The following NKD2 variants were observed in gnomAD, a reference collection of about 807,000 sequenced individuals.
NKD2 encodes protein naked cuticle homolog 2.
In NKD2, 43 loss-of-function variants were observed where a neutral mutation model predicts 34.8. That is an observed-to-expected ratio of 1.24 (90% CI 0.97 to 1.60). The LOEUF (loss-of-function observed/expected upper bound fraction) is 1.60. Ranked by LOEUF, NKD2 falls within the 40% of genes most tolerant of loss-of-function variation. The probability of loss-of-function intolerance (pLI) is 0.00; values close to 1 mark genes in which losing one functional copy is unlikely to be tolerated. For synonymous variants in NKD2, 278 were observed against 265.1 expected (o/e 1.05, Z -0.47); for missense variants, 675 against 627.1 (o/e 1.08, Z -0.82).
rs1400083300 is a variant in NKD2 at position 1,008,858 on chromosome 5, G to T, written c.-200G>T. The T allele has an allele frequency of 5.8e-6, 2 of 344,396 alleles. No individual in the cohort carries two copies. Among genetic ancestry groups the T allele is most frequent in the Non-Finnish European group, 1.0e-5 (2 of 192,102 alleles). 21.3% of individuals were successfully genotyped at this position (344,396 alleles called of 1,614,324 possible). On this transcript the variant is annotated 5_prime_UTR_variant, in exon 1 of 10. Coordinates refer to ENST00000296849, the MANE Select transcript of NKD2 (RefSeq NM_033120.4). ...CTGTCCCCGCGCCCTGCGCCCGGTG[G>T]CCCCCCACCTCCGCCCCGCGGCCGT...
rs987726803 is a variant in NKD2, at chr5:1,012,305, G to A, written c.141+2745G>A. Among the ~76,000 whole-genome samples the A allele has an allele frequency of 3.3e-5, 5 of 152,218 alleles. No individual in the cohort carries two copies. In the South Asian group the frequency reaches 6.2e-4, roughly 19 times the overall value. On this transcript the variant is annotated intron_variant, in intron 3 of 9. Transcript: ENST00000296849. Reference sequence around the variant, plus strand: ...CTAACTCCAGAGGCAGCATTGTAGCGAACACTCGTGACAGACCAGCCAGTG... The same window carrying A: ...CTAACTCCAGAGGCAGCATTGTAGCAAACACTCGTGACAGACCAGCCAGTG...
In NKD2 at chr5:1,008,815, C is replaced by T. The variant is rs1183555889; in HGVS notation, c.-243C>T. ...GCGCACGCGCTCAGAGGGAGCCGGG[C>T]CGCCGTCGCTGCCGCCGCTGTCCCC... On this transcript the variant is annotated 5_prime_UTR_variant, in exon 1 of 10. Transcript: ENST00000296849. 1.7e-5 allele frequency: 4 copies of T among 229,676 alleles called. No homozygotes were observed. The allele number at this position is 229,676 out of a possible 1,614,324, so 14.2% of individuals were successfully genotyped here. A position where few individuals can be genotyped will look rare whatever the true frequency, so the allele number is the denominator to read the frequency against.
chr5:1,033,941 C>A lies in NKD2; in HGVS notation c.331-294C>A, dbSNP rs185292151. 2.3e-3 allele frequency among the ~76,000 whole-genome samples: 344 copies of A among 152,350 alleles called. 1 individual carries two copies. The highest frequency in any genetic ancestry group is 7.0e-3 in the African/African-American group (292 of 41,582). ...TGACAACACTTGACGGCCAGTGTGTCCTCTTCTCCTTCTGGGTGACGTGGA... is the reference window on the plus strand; with the variant it reads ...TGACAACACTTGACGGCCAGTGTGTACTCTTCTCCTTCTGGGTGACGTGGA... On this transcript the variant is annotated intron_variant, in intron 5 of 9. Coordinates refer to ENST00000296849, the MANE Select transcript of NKD2 (RefSeq NM_033120.4).
intron 3 of NKD2, among the ~76,000 whole-genome samples, chr5:1,016,579 G>A (rs951534405): frequency 2.6e-5 from 4 of 152,232 alleles, no homozygotes; most frequent in Admixed American, 6.5e-5. Flanking sequence ...GTGTCTTGGC[G>A]GATTTAGACT....
At chr5:1,033,031 C>CGCGT (rs56413108) in intron 4 of NKD2, among the ~76,000 whole-genome samples, 1 of 151,710 alleles carries the variant, frequency 6.6e-6, no homozygotes, top group Non-Finnish European at 1.5e-5. Flanking sequence ...GGGACTGTGT[C>CGCGT]TATGGGGAGG....
At chr5:1,022,494 A>C (rs1317403057) in intron 3 of NKD2, among the ~76,000 whole-genome samples, 3 of 8,614 alleles carry the variant, frequency 3.5e-4, no homozygotes, top group African/African-American at 5.5e-4. Context: ...TGCTCTTCCC[A>C]CCCGCTAGTG....
chr5:1,035,238 A>G (rs889564150), intron 7 of NKD2, 151 bp from the exon 8 acceptor site: 2 of 689,186 alleles, frequency 2.9e-6, no homozygotes, highest in Admixed American at 4.9e-5. Flanking sequence ...GAGTTAATGA[A>G]TGAGTGAACA....
intron 9 of NKD2, chr5:1,037,498 T>G (rs1734044749): frequency 6.5e-7 from 1 of 1,532,692 alleles, no homozygotes; most frequent in African/African-American, 1.4e-5. Flanking sequence ...AACCTGGCTT[T>G]CTGCCACGGC....
At chr5:1,021,043 G>A (rs938536646) in intron 3 of NKD2, among the ~76,000 whole-genome samples, 1 of 150,876 alleles carries the variant, frequency 6.6e-6, no homozygotes. Context: ...GATGAAGAGG[G>A]AGACAGAAAC....
At chr5:1,014,910 A>G (rs1364006678) in intron 3 of NKD2, among the ~76,000 whole-genome samples, 1 of 152,222 alleles carries the variant, frequency 6.6e-6, no homozygotes, top group African/African-American at 2.4e-5. Context: ...CATCGTTAGC[A>G]GAGGCGGCTT....
chr5:1,032,249 C>CA, intron 4 of NKD2, 37 bp downstream of exon 4: 1 of 1,534,918 alleles, frequency 6.5e-7, no homozygotes, highest in Non-Finnish European at 9.0e-7. Context: ...TCCCCAAACT[C>CA]ACAGACTTCA....
chr5:1,037,854 C>A lies in NKD2; in HGVS notation c.837C>A (p.His279Gln), dbSNP rs374478838. ...AGGAGCCCCAGGGCAGGGCCTCGCACCTCCAGGCCCGGTCCCGCTCCCAGG... is the reference window on the plus strand; with the variant it reads ...AGGAGCCCCAGGGCAGGGCCTCGCAACTCCAGGCCCGGTCCCGCTCCCAGG... ...AKQEPQGRAS[H>Q]LQARSRSQEP... The change falls in exon 10 of 10, where the codon CAC becomes CAA. Residue 279 changes from histidine (H) to glutamine (Q), a missense_variant. His to Gln is a conservative substitution (Grantham distance 24). Coordinates refer to ENST00000296849, the MANE Select transcript of NKD2 (RefSeq NM_033120.4). 6.3e-7 allele frequency: 1 copy of A among 1,597,656 alleles called. No homozygotes were observed. The highest frequency in any genetic ancestry group is 8.5e-7 in the Non-Finnish European group (1 of 1,175,814).
In NKD2 at chr5:1,009,256, C is replaced by G; in HGVS notation, c.61+42C>G. On this transcript the variant is annotated intron_variant, in intron 2 of 9. Coordinates refer to ENST00000296849, the MANE Select transcript of NKD2 (RefSeq NM_033120.4). This position sits in a 1 kb window ranked among gnomAD's most constrained non-coding sequence, Gnocchi z 6.9. ...ACGGGCGGGGCGGGGGGCGGCGACC[C>G]GGCCCGGGACCCTCAGAGCTAGGAG... is the stretch of plus-strand genomic sequence containing the variant. 2 of 481,840 alleles carry G rather than the reference C, an allele frequency of 4.2e-6. No individual in the cohort carries two copies. Among genetic ancestry groups the G allele is most frequent in the East Asian group, 3.6e-5 (1 of 27,786 alleles). The allele number at this position is 481,840 out of a possible 1,614,324, so 29.8% of individuals were successfully genotyped here. A position where few individuals can be genotyped will look rare whatever the true frequency, so the allele number is the denominator to read the frequency against.
At chr5:1,017,651 C>T (rs1023255881) in intron 3 of NKD2, among the ~76,000 whole-genome samples, 1 of 145,928 alleles carries the variant, frequency 6.9e-6, no homozygotes, top group South Asian at 2.1e-4. Context: ...CCAGAAGTCC[C>T]TCCCAGAGCC....
chr5:1,028,517 G>C (rs1756514937), intron 3 of NKD2, among the ~76,000 whole-genome samples: 3 of 152,138 alleles, frequency 2.0e-5, no homozygotes, highest in Admixed American at 2.0e-4. Context: ...CCACGGTCGG[G>C]TTCCTGTCCT....
chr5:1,032,235 T>G (rs1756673741), intron 4 of NKD2, 23 bp downstream of exon 4: 3 of 1,587,820 alleles, frequency 1.9e-6, no homozygotes, highest in African/African-American at 1.3e-5. Flanking sequence ...CCCGCAGCCC[T>G]CCCTCCCCAA....
Position 1,037,868 on chromosome 5 carries a change from C to A in NKD2, c.851C>A (p.Ser284Tyr). The A allele has an allele frequency of 6.2e-7, 1 of 1,602,784 alleles. No individual in the cohort carries two copies. The highest frequency in any genetic ancestry group is 8.5e-7 in the Non-Finnish European group (1 of 1,178,256). Residue 284 changes from serine (S) to tyrosine (Y), a missense_variant, in exon 10 of 10, where the codon TCC (serine) becomes TAC (tyrosine). Ser to Tyr is a moderately radical substitution (Grantham distance 144, BLOSUM62 -2). Coordinates refer to ENST00000296849, the MANE Select transcript of NKD2 (RefSeq NM_033120.4). ...QGRASHLQAR[S>Y]RSQEPDTHAV... is the part of the protein sequence containing the mutation. ...AGGGCCTCGCACCTCCAGGCCCGGT[C>A]CCGCTCCCAGGAGCCAGATACACAT...
rs1275714250 is a variant in NKD2 at position 1,009,248 on chromosome 5, C to T, written c.61+34C>T. 13 of 486,294 alleles carry T rather than the reference C, an allele frequency of 2.7e-5. No homozygotes were observed. Among genetic ancestry groups the T allele is most frequent in the Non-Finnish European group, 4.3e-5 (12 of 279,782 alleles). 30.1% of individuals were successfully genotyped at this position (486,294 alleles called of 1,614,324 possible). A position where few individuals can be genotyped will look rare whatever the true frequency, so the allele number is the denominator to read the frequency against. ...GCGAGCCGACGGGCGGGGCGGGGGGCGGCGACCCGGCCCGGGACCCTCAGA... is the reference window on the plus strand; with the variant it reads ...GCGAGCCGACGGGCGGGGCGGGGGGTGGCGACCCGGCCCGGGACCCTCAGA... On this transcript the variant is annotated intron_variant, in intron 2 of 9. Transcript: ENST00000296849. The surrounding 1 kb of genome is among the most constrained non-coding windows in gnomAD (Gnocchi z 6.9).
At chr5:1,035,254 G>C in intron 7 of NKD2, 135 bp from the exon 8 acceptor site, 1 of 732,810 alleles carries the variant, frequency 1.4e-6, no homozygotes, top group Non-Finnish European at 2.3e-6. Flanking sequence ...GAACAAGTGA[G>C]TGAGTTAATG....
Sources: gnomAD v4.1 joint callset for allele counts (sites outside exome capture counted in the v4.1 genomes callset) on GRCh38, gnomAD v4.1.1 for gene constraint, Gnocchi (gnomAD v3.1) non-coding constraint, MANE v1.5 for transcripts, NCBI Gene and HGNC (gene_info 2026-07-23, HGNC 2026-07-21) for gene names.